Variants in CCDC171 observed in about 807,000 individuals in gnomAD.
The protein encoded by CCDC171 is coiled-coil domain containing 171.
CCDC171 carries 177 observed loss-of-function variants against 168.2 expected under a neutral mutation model. That is an observed-to-expected ratio of 1.05 (90% CI 0.93 to 1.19). The LOEUF (loss-of-function observed/expected upper bound fraction) is 1.19, where lower values mean the gene tolerates loss of function less well. Among genes scored for constraint, CCDC171 ranks in the 50% most tolerant of loss-of-function variants. CCDC171 has a pLI of 0.00. For synonymous variants in CCDC171, 687 were observed against 540.8 expected (o/e 1.27, Z -3.75); for missense variants, 1,991 against 1,539.0 (o/e 1.29, Z -4.91).
At chr9:16,030,169 TG>T (rs1221919153) in intron 6 of CCDC171, among the ~76,000 whole-genome samples, 2 of 152,212 alleles carry the variant, frequency 1.3e-5, no homozygotes. Flanking sequence ...CTTGGTGATT[TG>T]GTATCAACAC....
intron 1 of CCDC171, among the ~76,000 whole-genome samples, chr9:15,557,504 T>C (rs972692439): frequency 2.6e-5 from 4 of 152,180 alleles, no homozygotes; most frequent in Admixed American, 2.6e-4. Flanking sequence ...TTTGTAGCAA[T>C]TGGGAATGGG....
chr9:15,982,195 A>T (rs1831818753), intron 3 of CCDC171, among the ~76,000 whole-genome samples: 1 of 150,030 alleles, frequency 6.7e-6, no homozygotes, highest in Non-Finnish European at 1.5e-5. Flanking sequence ...ATCATAGCAC[A>T]GACATAGCCT....
chr9:16,070,885 CTTAG>C, the CCDC171 span, among the ~76,000 whole-genome samples: 2 of 152,150 alleles, frequency 1.3e-5, no homozygotes, highest in African/African-American at 2.4e-5. Context: ...TTTCCCGATG[CTTAG>C]TTAGTGTAGG....
intron 21 of CCDC171, among the ~76,000 whole-genome samples, 171 bp downstream of exon 21, chr9:15,784,865 T>C (rs1308401704): frequency 6.6e-6 from 1 of 152,156 alleles, no homozygotes; most frequent in Non-Finnish European, 1.5e-5. Context: ...TGCATTCACA[T>C]GCATCGAGAA....
chr9:15,908,778 G>C (rs1487665551), intron 24 of CCDC171, among the ~76,000 whole-genome samples: 1 of 152,286 alleles, frequency 6.6e-6, no homozygotes, highest in East Asian at 1.9e-4. Flanking sequence ...TGAATGGGGA[G>C]CAGGCACGTC....
At chr9:15,831,841 A>G (rs1034395202) in intron 21 of CCDC171, among the ~76,000 whole-genome samples, 6 of 143,838 alleles carry the variant, frequency 4.2e-5, no homozygotes, top group Non-Finnish European at 5.9e-5. Context: ...GTTTGTAATC[A>G]TATTTTTCCT....
At chr9:15,632,696 A>T (rs1261130990) in intron 7 of CCDC171, among the ~76,000 whole-genome samples, 2 of 152,200 alleles carry the variant, frequency 1.3e-5, no homozygotes, top group African/African-American at 4.8e-5. Flanking sequence ...GGAACCAAAA[A>T]AGAGCCTGCA....
intron 21 of CCDC171, among the ~76,000 whole-genome samples, chr9:15,805,256 G>C (rs939118600): frequency 1.3e-5 from 2 of 152,038 alleles, no homozygotes; most frequent in African/African-American, 4.8e-5. Context: ...GTTAAACTCT[G>C]ATCTTGGTTA....
chr9:15,591,699 G>A (rs1587222428), intron 5 of CCDC171, 143 bp downstream of exon 5: 6 of 579,814 alleles, frequency 1.0e-5, no homozygotes, highest in African/African-American at 2.0e-5. Context: ...TTTTTTAGGG[G>A]CATATTTGCT....
At chr9:16,000,240 A>C (rs1373091203) in intron 3 of CCDC171, among the ~76,000 whole-genome samples, 1 of 152,182 alleles carries the variant, frequency 6.6e-6, no homozygotes, top group Non-Finnish European at 1.5e-5. Context: ...TGAAGCTCAA[A>C]AAGTTTGTAA....
intron 24 of CCDC171, among the ~76,000 whole-genome samples, chr9:15,901,245 T>A (rs994891062): frequency 6.6e-6 from 1 of 152,168 alleles, no homozygotes; most frequent in Non-Finnish European, 1.5e-5. Flanking sequence ...GTGAGTCTAT[T>A]TTGTGTGATA....
chr9:15,691,934 A>G (rs1301753327), intron 10 of CCDC171, among the ~76,000 whole-genome samples: 1 of 152,084 alleles, frequency 6.6e-6, no homozygotes, highest in South Asian at 2.1e-4. Flanking sequence ...TTGGCCTCCC[A>G]AAGTGCTGGG....
At chr9:15,809,228 A>G (rs1432071029) in intron 21 of CCDC171, among the ~76,000 whole-genome samples, 1 of 152,178 alleles carries the variant, frequency 6.6e-6, no homozygotes, top group South Asian at 2.1e-4. Flanking sequence ...AATTAGCATG[A>G]GTGTATTTGC....
At chr9:15,837,042 T>C (rs1022958564) in intron 21 of CCDC171, among the ~76,000 whole-genome samples, 1 of 152,232 alleles carries the variant, frequency 6.6e-6, no homozygotes, top group African/African-American at 2.4e-5. Flanking sequence ...GTTTGGTCAG[T>C]AGGGTTGAAA....
At chr9:15,704,131 A>G (rs538204403) in intron 11 of CCDC171, among the ~76,000 whole-genome samples, 1 of 152,370 alleles carries the variant, frequency 6.6e-6, no homozygotes, top group South Asian at 2.1e-4. Flanking sequence ...GAAATGCAAT[A>G]AAACAAGGTA....
rs1033779140 is a variant in CCDC171 at position 15,679,133 on chromosome 9, G to T, written c.1215+237G>T. Among the ~76,000 whole-genome samples the T allele has an allele frequency of 2.6e-5, 4 of 151,906 alleles. 1 individual carries two copies. The highest frequency in any genetic ancestry group is 2.6e-4 in the Admixed American group (4 of 15,270). On this transcript the variant is annotated intron_variant, in intron 10 of 25. Coordinates refer to ENST00000380701, the MANE Select transcript of CCDC171 (RefSeq NM_173550.4). ...CTGAACTAGTAAAAACTGAATTATA[G>T]AATTTTCAAAAATGTATTCAAATGT...
chr9:15,982,606 C>G (rs16933875), intron 3 of CCDC171, among the ~76,000 whole-genome samples: 11,678 of 152,046 alleles, frequency 0.077, 1,473 homozygotes, highest in African/African-American at 0.27. Context: ...TTGTAATGCA[C>G]CCTCCTCTCC....
Position 15,971,817 on chromosome 9 carries a change from C to A in CCDC171, c.3962C>A (p.Pro1321Gln), listed in dbSNP as rs201623961. 4 of 1,611,930 alleles carry A rather than the reference C, an allele frequency of 2.5e-6. No homozygotes were observed. Among genetic ancestry groups the A allele is most frequent in the Non-Finnish European group, 2.5e-6 (3 of 1,178,110 alleles). Residue 1321 changes from proline to glutamine, a missense_variant, in exon 26 of 26, where the codon CCA becomes CAA. Transcript: ENST00000380701. ...ACTATGTCTGCTAATGCCAACAGAC[C>A]AACTCAGATTGGATTATGACTTCAT... ...PVTMSANANR[P>Q]TQIGL
intron 24 of CCDC171, among the ~76,000 whole-genome samples, chr9:15,889,324 T>G (rs1448750888): frequency 6.6e-6 from 1 of 152,162 alleles, no homozygotes; most frequent in Non-Finnish European, 1.5e-5. Flanking sequence ...AGAATTGTAC[T>G]AGCATTATAA....
Sources: gnomAD v4.1 joint callset for allele counts (sites outside exome capture counted in the v4.1 genomes callset) on GRCh38, gnomAD v4.1.1 for gene constraint, MANE v1.5 for transcripts, NCBI Gene and HGNC (gene_info 2026-07-23, HGNC 2026-07-21) for gene names.